Variants in DHX30 observed in about 807,000 individuals in gnomAD.
DHX30 encodes the protein ATP-dependent RNA helicase DHX30.
DHX30 carries 4 observed loss-of-function variants against 116.9 expected under a neutral mutation model. The observed-to-expected ratio is 0.03, with a 90% CI of 0.02 to 0.08. The LOEUF is 0.08. DHX30 is among the 10% of genes least tolerant of loss of function. DHX30 has a pLI of 1.00. For synonymous variants in DHX30, 697 were observed against 651.7 expected (o/e 1.07, Z -1.06); for missense variants, 871 against 1,595.1 (o/e 0.55, Z 7.73).
Position 47,817,877 on chromosome 3 carries a change from C to G in DHX30, c.29-145C>G, listed in dbSNP as rs113247121. 2.6e-5 allele frequency: 19 copies of G among 740,410 alleles called. 1 individual carries two copies. The highest frequency in any genetic ancestry group is 4.9e-4 in the Middle Eastern group (2 of 4,070). The allele number at this position is 740,410 out of a possible 1,614,324, so 45.9% of individuals were successfully genotyped here. A position where few individuals can be genotyped will look rare whatever the true frequency, so the allele number is the denominator to read the frequency against. ...CCTGTGTGGCGTTGTTAGTGCTGTT[C>G]CTCAGAACCTGTGGCTGCTCCCAGC... On this transcript the variant is annotated intron_variant, in intron 3 of 21. Coordinates refer to ENST00000445061, the MANE Select transcript of DHX30 (RefSeq NM_138615.3).
rs1206754397 is a variant in DHX30 at position 47,847,584 on chromosome 3, C to T, written c.2110+48C>T. The T allele has an allele frequency of 6.6e-7, 1 of 1,521,262 alleles. No homozygotes were observed. Among genetic ancestry groups the T allele is most frequent in the Admixed American group, 2.0e-5 (1 of 48,920 alleles). The allele number at this position is 1,521,262 out of a possible 1,614,324, so 94.2% of individuals were successfully genotyped here. A position where few individuals can be genotyped will look rare whatever the true frequency, so the allele number is the denominator to read the frequency against. ...CAGGGACCTTTGGAAACCAGCCTGA[C>T]CTCTGTCCTAGGGACTGACCCAACT... On this transcript the variant is annotated intron_variant, in intron 13 of 21. Transcript: ENST00000445061. This position sits in a 1 kb window ranked among gnomAD's most constrained non-coding sequence, Gnocchi z 5.5.
At chr3:47,812,465 C>T (rs1272577731) in intron 3 of DHX30, among the ~76,000 whole-genome samples, 2 of 147,656 alleles carry the variant, frequency 1.4e-5, no homozygotes, top group East Asian at 2.1e-4. Flanking sequence ...GGCTAAGGCA[C>T]GAGAATTGCT....
Position 47,846,839 on chromosome 3 carries a change from C to A in DHX30, c.1767C>A (p.Leu589=). Residue 589 remains leucine (L), a synonymous_variant, in exon 11 of 22, where the codon CTC becomes CTA. Transcript: ENST00000445061. ...QRLNPALRLV[L]MSATGDNERF... Reference sequence around the variant, plus strand: ...TCAACCCGGCCCTGCGGCTGGTGCTCATGAGTGCCACAGGGGACAATGAGC... The same window carrying A: ...TCAACCCGGCCCTGCGGCTGGTGCTAATGAGTGCCACAGGGGACAATGAGC... The A allele has an allele frequency of 6.2e-7, 1 of 1,612,454 alleles. No homozygotes were observed. Among genetic ancestry groups the A allele is most frequent in the Non-Finnish European group, 8.5e-7 (1 of 1,179,684 alleles).
chr3:47,825,954 C>G (rs542222288), intron 4 of DHX30: 1 of 152,298 alleles, frequency 6.6e-6, no homozygotes, highest in East Asian at 1.9e-4. Context: ...CAGGTGTCCT[C>G]CATCCTGGCC....
chr3:47,819,562 C>T (rs1336678152), intron 4 of DHX30, among the ~76,000 whole-genome samples: 1 of 152,192 alleles, frequency 6.6e-6, no homozygotes, highest in African/African-American at 2.4e-5. Context: ...CCCCTCTTGG[C>T]CTGCGGATAG....
In DHX30 at chr3:47,849,785, C is replaced by A. The variant is rs746139952; in HGVS notation, c.3331+16C>A. ...CACATCCGTGGTGGGTGCCTGCAGG[C>A]CTCCCGCCCACCCCGCTCTGCAGCT... is the stretch of plus-strand genomic sequence containing the variant. On this transcript the variant is annotated intron_variant, in intron 21 of 21. Transcript: ENST00000445061. The A allele has an allele frequency of 5.0e-6, 8 of 1,609,080 alleles. No individual in the cohort carries two copies. Among genetic ancestry groups the A allele is most frequent in the South Asian group, 1.1e-5 (1 of 90,502 alleles).
intron 3 of DHX30, among the ~76,000 whole-genome samples, chr3:47,812,220 G>A (rs1378943770): frequency 3.3e-5 from 5 of 149,504 alleles, no homozygotes; most frequent in Non-Finnish European, 5.9e-5. Context: ...AGAGTGAGAT[G>A]CCATCTCAAA....
Position 47,848,420 on chromosome 3 carries a change from A to G in DHX30, c.2493+34A>G, listed in dbSNP as rs781013325. On this transcript the variant is annotated intron_variant, in intron 15 of 21. Coordinates refer to ENST00000445061, the MANE Select transcript of DHX30 (RefSeq NM_138615.3). This position sits in a 1 kb window ranked among gnomAD's most constrained non-coding sequence, Gnocchi z 9.4. Reference sequence around the variant, plus strand: ...GGGCGGGGCAGGGGCTGGCCTGGGGACCAGGCAGGTGGGAGGCAGGCTCAT... The same window carrying G: ...GGGCGGGGCAGGGGCTGGCCTGGGGGCCAGGCAGGTGGGAGGCAGGCTCAT... 3.7e-6 allele frequency: 6 copies of G among 1,613,228 alleles called. No homozygotes were observed. Among genetic ancestry groups the G allele is most frequent in the Non-Finnish European group, 5.1e-6 (6 of 1,179,910 alleles).
intron 2 of DHX30, among the ~76,000 whole-genome samples, chr3:47,807,989 G>A (rs1480489264): frequency 6.6e-6 from 1 of 151,798 alleles, no homozygotes; most frequent in Non-Finnish European, 1.5e-5. Context: ...CATCTCACTG[G>A]AACGTCCACC....
intron 3 of DHX30, chr3:47,816,235 C>G: frequency 2.0e-6 from 2 of 985,118 alleles, no homozygotes; most frequent in Non-Finnish European, 2.4e-6. Flanking sequence ...GCCAATGCAA[C>G]TGCAACTTTT....
chr3:47,809,015 A>C (rs931587517), intron 2 of DHX30, among the ~76,000 whole-genome samples: 44 of 151,832 alleles, frequency 2.9e-4, no homozygotes, highest in African/African-American at 1.1e-3. Flanking sequence ...CAGCCTCCCG[A>C]GTAGCTGAGA....
At position 47,810,692 on chromosome 3, in the gene DHX30, C is replaced by T. The variant is rs1373088536; in HGVS notation, c.9C>T (p.Ser3=). MF[S]LDSFRKDRAQ... ...TTCCCTCCTGGCCAGAAATGTTCAG[C>T]CTGGACTCATTCAGAAAAGGTAAGA... is the stretch of plus-strand genomic sequence containing the variant. The change falls in exon 3 of 22, where the codon AGC becomes AGT. Residue 3 remains serine, a synonymous_variant. Coordinates refer to ENST00000445061, the MANE Select transcript of DHX30 (RefSeq NM_138615.3). 4 of 1,613,998 alleles carry T rather than the reference C, an allele frequency of 2.5e-6. No homozygotes were observed. The highest frequency in any genetic ancestry group is 1.3e-5 in the African/African-American group (1 of 74,920).
chr3:47,842,052 C>T (rs867503856), intron 8 of DHX30: 5 of 292,766 alleles, frequency 1.7e-5, no homozygotes, highest in Middle Eastern at 1.0e-3. Context: ...TGCTGCCAGG[C>T]GAAGGGGCTT....
At chr3:47,829,892 C>T (rs996571471) in intron 6 of DHX30, among the ~76,000 whole-genome samples, 6 of 151,024 alleles carry the variant, frequency 4.0e-5, no homozygotes, top group Non-Finnish European at 7.4e-5. Context: ...CCTGGGCTGG[C>T]GAGATCTCAG....
intron 4 of DHX30, among the ~76,000 whole-genome samples, chr3:47,819,904 C>CAGCA (rs1400447532): frequency 6.6e-6 from 1 of 152,232 alleles, no homozygotes; most frequent in African/African-American, 2.4e-5. Context: ...ATTTGAGACA[C>CAGCA]AGCACCATGG....
intron 4 of DHX30, among the ~76,000 whole-genome samples, chr3:47,819,489 G>A (rs1188497536): frequency 3.9e-5 from 6 of 152,142 alleles, no homozygotes; most frequent in Non-Finnish European, 7.4e-5. Flanking sequence ...TCACAGCTGC[G>A]CCTCCAGGAG....
rs1232528054 is a variant in DHX30 at position 47,846,917 on chromosome 3, G to A, written c.1845G>A (p.Met615Ile). ...GCPVIKVPGF[M>I]YPVKEHYLED... ...CCGTCATCAAGGTGCCTGGCTTCAT[G>A]TACCCAGTCAAGGAGCACTACCTAG... The change falls in exon 11 of 22, where the codon ATG (methionine) becomes ATA (isoleucine). Residue 615 changes from methionine to isoleucine, a missense_variant. By Grantham distance (10) the Met-to-Ile change is conservative (BLOSUM62 1). Coordinates refer to ENST00000445061, the MANE Select transcript of DHX30 (RefSeq NM_138615.3). 2 of 1,613,440 alleles carry A rather than the reference G, an allele frequency of 1.2e-6. No individual in the cohort carries two copies. Among genetic ancestry groups the A allele is most frequent in the African/African-American group, 1.3e-5 (1 of 74,948 alleles).
chr3:47,810,267 A>G lies in DHX30; in HGVS notation c.-27-390A>G, dbSNP rs570940543. On this transcript the variant is annotated intron_variant, in intron 2 of 21. Coordinates refer to ENST00000445061, the MANE Select transcript of DHX30 (RefSeq NM_138615.3). ...ATGTAGAATTTCGTTTCTTCCTGGA[A>G]GTCCCAAGGAAACCTGCAAGTATTA... Among the ~76,000 whole-genome samples the G allele has an allele frequency of 7.9e-5, 12 of 152,332 alleles. No homozygotes were observed. In the South Asian group the frequency reaches 1.2e-3, roughly 16 times the overall value.
intron 2 of DHX30, among the ~76,000 whole-genome samples, chr3:47,809,519 C>T (rs2035694397): frequency 6.6e-6 from 1 of 152,146 alleles, no homozygotes; most frequent in Non-Finnish European, 1.5e-5. Flanking sequence ...GCTGGGATTA[C>T]AGGCGTGAGC....
Sources: allele counts gnomAD v4.1 joint callset (sites outside exome capture counted in the v4.1 genomes callset), GRCh38; gene constraint gnomAD v4.1.1; non-coding constraint Gnocchi (gnomAD v3.1); transcripts MANE v1.5; gene names NCBI Gene and HGNC (gene_info 2026-07-23, HGNC 2026-07-21).